Variants in PARP10 observed in about 807,000 individuals in gnomAD.
The protein encoded by PARP10 is protein mono-ADP-ribosyltransferase PARP10.
Under a neutral mutation model 82.4 loss-of-function variants are expected in PARP10, and 56 were observed. The observed-to-expected ratio is 0.68, with a 90% confidence interval of 0.55 to 0.85. PARP10 has a LOEUF of 0.85. Ranked by LOEUF, PARP10 falls within the 40% of genes least tolerant of loss-of-function variation. The pLI is 0.00. For missense variants in PARP10, 1,227 were observed against 1,379.4 expected, an observed-to-expected ratio of 0.89 and a Z score of 1.75; for synonymous variants, 576 against 601.1, an observed-to-expected ratio of 0.96 and a Z score of 0.61.
intron 1 of PARP10, among the ~76,000 whole-genome samples, chr8:143,998,394 C>T (rs1834177752): frequency 6.6e-6 from 1 of 152,192 alleles, no homozygotes; most frequent in Non-Finnish European, 1.5e-5. Context: ...TGAAGGTAAT[C>T]AGACAAGGCA....
chr8:144,012,508 C>T (rs1587480342), intron 1 of PARP10: 13 of 1,551,656 alleles, frequency 8.4e-6, no homozygotes, highest in Non-Finnish European at 1.1e-5. Flanking sequence ...TTGCCACTGC[C>T]CCAGGGCATG....
At chr8:143,990,323 G>T (rs1355024352), upstream of PARP10, 2 of 150,378 alleles carry the variant, frequency 1.3e-5, no homozygotes, top group Non-Finnish European at 3.0e-5. The surrounding 1 kb of genome is among the most constrained non-coding windows in gnomAD (Gnocchi z 5.6). Context: ...TCAGTAAGTT[G>T]GTCCGGCCGG....
At chr8:144,009,951 G>C (rs781792156) in intron 1 of PARP10, among the ~76,000 whole-genome samples, 10 of 152,100 alleles carry the variant, frequency 6.6e-5, no homozygotes, top group Admixed American at 2.6e-4. Context: ...CCTCCTTACT[G>C]TGTGCCACTC....
At chr8:143,992,937 T>G, upstream of PARP10, 1 of 1,045,476 alleles carries the variant, frequency 9.6e-7, no homozygotes, top group Non-Finnish European at 1.4e-6. Context: ...CTCTCTCTTG[T>G]CCCCAGGCAC....
intron 9 of PARP10, among the ~76,000 whole-genome samples, chr8:143,978,534 A>G (rs1833772194): frequency 6.6e-6 from 1 of 152,222 alleles, no homozygotes; most frequent in Admixed American, 6.5e-5. Context: ...GAGAGTTGCA[A>G]AAGAACACCA....
At chr8:144,012,050 T>G (rs1487880547) in intron 1 of PARP10, among the ~76,000 whole-genome samples, 1 of 152,220 alleles carries the variant, frequency 6.6e-6, no homozygotes, top group Non-Finnish European at 1.5e-5. Flanking sequence ...CCAAGCCCTG[T>G]GCTGGACACT....
Position 143,984,734 on chromosome 8 carries a change from G to C in PARP10, c.1268C>G (p.Ser423Cys). Residue 423 changes from serine to cysteine, a missense_variant, in exon 5 of 11, where the codon TCT becomes TGT. By Grantham distance (112) the Ser-to-Cys change is moderately radical. Coordinates refer to ENST00000313028, the MANE Select transcript of PARP10 (RefSeq NM_032789.5). ...LVGPMEITMG[S>C]LEKAGPVSPG... ...GCTCACAGGCCCTGCCTTCTCCAGAGACCCCATGGTGATCTCCATGGGACC... is the reference window on the plus strand; with the variant it reads ...GCTCACAGGCCCTGCCTTCTCCAGACACCCCATGGTGATCTCCATGGGACC... The C allele has an allele frequency of 6.2e-7, 1 of 1,613,568 alleles. No homozygotes were observed. The highest frequency in any genetic ancestry group is 1.3e-5 in the African/African-American group (1 of 74,850).
chr8:144,010,748 G>A (rs1229531962), intron 1 of PARP10, among the ~76,000 whole-genome samples: 1 of 151,798 alleles, frequency 6.6e-6, no homozygotes, highest in African/African-American at 2.4e-5. Context: ...AGCCGAGTGT[G>A]GTGGCACACA....
At chr8:143,994,332 C>T (rs977521584), upstream of PARP10, among the ~76,000 whole-genome samples, 3 of 152,202 alleles carry the variant, frequency 2.0e-5, no homozygotes, top group Non-Finnish European at 2.9e-5. Flanking sequence ...GGGGCTGCCC[C>T]GCTTCCCTCT....
upstream of PARP10, among the ~76,000 whole-genome samples, chr8:143,996,107 G>A (rs1834163216): frequency 6.6e-6 from 1 of 152,172 alleles, no homozygotes; most frequent in South Asian, 2.1e-4. Context: ...CTCTTAACAC[G>A]ACGCCCCAGG....
intron 9 of PARP10, 78 bp downstream of exon 9, chr8:143,982,854 G>C (rs201767026): frequency 6.4e-7 from 1 of 1,570,474 alleles, no homozygotes; most frequent in Non-Finnish European, 8.6e-7. Flanking sequence ...GAGAGGGACA[G>C]GCCACAGACT....
In PARP10 at chr8:143,977,730, G is replaced by C; in HGVS notation, c.2832C>G (p.Phe944Leu). 6.2e-7 allele frequency: 1 copy of C among 1,601,116 alleles called. No homozygotes were observed. Among genetic ancestry groups the C allele is most frequent in the Non-Finnish European group, 8.5e-7 (1 of 1,174,708 alleles). The change falls in exon 11 of 11, where the codon TTC becomes TTG. Residue 944 changes from phenylalanine to leucine, a missense_variant. Physicochemically the swap from Phe to Leu is conservative, Grantham distance 22. Coordinates refer to ENST00000313028, the MANE Select transcript of PARP10 (RefSeq NM_032789.5). ...PPNADGHKAV[F>L]VARVLTGDYG... ...AGTCGCCAGTCAGCACCCGTGCCAC[G>C]AACACCGCCTTATGGCCATCGGCGT...
chr8:143,983,817 G>T lies in PARP10; in HGVS notation c.1778-6C>A, dbSNP rs782284725. 1.3e-6 allele frequency: 2 copies of T among 1,565,472 alleles called. No homozygotes were observed. Among genetic ancestry groups the T allele is most frequent in the East Asian group, 2.3e-5 (1 of 44,418 alleles). Reference sequence around the variant, plus strand: ...CAGCAGTTCTCGGACCTCCTCTGGGGGCAGGGAGAGGCCATTGGGTCAGGG... The same window carrying T: ...CAGCAGTTCTCGGACCTCCTCTGGGTGCAGGGAGAGGCCATTGGGTCAGGG... On this transcript the variant is annotated splice_region_variant and splice_polypyrimidine_tract_variant and intron_variant, in intron 7 of 10. Coordinates refer to ENST00000313028, the MANE Select transcript of PARP10 (RefSeq NM_032789.5).
chr8:143,986,391 G>A lies in PARP10; in HGVS notation c.-32C>T, dbSNP rs375259054. 2.3e-4 allele frequency: 369 copies of A among 1,614,040 alleles called. 1 individual carries two copies. Among genetic ancestry groups the A allele is most frequent in the Middle Eastern group, 6.6e-4 (4 of 6,082 alleles). ...TGGCCGCTAGGCAGCCTCAGGCCAT[G>A]AGCTCAGCCAGGACTCCTGTGCCTG... On this transcript the variant is annotated 5_prime_UTR_variant, in exon 1 of 11. Coordinates refer to ENST00000313028, the MANE Select transcript of PARP10 (RefSeq NM_032789.5).
intron 1 of PARP10, among the ~76,000 whole-genome samples, chr8:144,001,510 C>T (rs1033018027): frequency 2.0e-5 from 3 of 152,258 alleles, no homozygotes; most frequent in Admixed American, 6.5e-5. Flanking sequence ...AGTTCAAGAC[C>T]GGCCTGGCCA....
intron 1 of PARP10, among the ~76,000 whole-genome samples, chr8:144,000,566 C>T (rs1470197949): frequency 6.6e-6 from 1 of 152,102 alleles, no homozygotes; most frequent in Admixed American, 6.6e-5. Context: ...GGAGGCGGAG[C>T]TTGCAGTGAG....
intron 1 of PARP10, among the ~76,000 whole-genome samples, chr8:144,000,206 A>T (rs1418982550): frequency 2.0e-5 from 3 of 152,168 alleles, no homozygotes; most frequent in Non-Finnish European, 4.4e-5. Flanking sequence ...ATTTGGAAAT[A>T]AGGTTGTTGA....
chr8:143,983,169 G>A lies in PARP10; in HGVS notation c.2420C>T (p.Thr807Ile), dbSNP rs782482752. The A allele has an allele frequency of 6.2e-6, 10 of 1,613,104 alleles. No individual in the cohort carries two copies. The Admixed American group carries it at 8.3e-5, about 13-fold the overall frequency. Residue 807 changes from threonine to isoleucine, a missense_variant and splice_region_variant, in exon 8 of 11, where the codon ACC becomes ATC. Physicochemically the swap from Thr to Ile is moderately conservative, Grantham distance 89 (BLOSUM62 -1). Transcript: ENST00000313028. ...LAFPLAASGP[T>I]LAGQTLKGPW... is the part of the protein sequence containing the mutation. The stretch of plus-strand genomic sequence containing the variant: ...CTCAGTCCAGGAGGTAGACTCACAG[G>A]TAGGGCCTGAAGCTGCCAAGGGAAA...
intron 9 of PARP10, among the ~76,000 whole-genome samples, chr8:143,980,278 C>T (rs757357826): frequency 2.7e-4 from 38 of 141,064 alleles, no homozygotes; most frequent in Non-Finnish European, 4.8e-4. Flanking sequence ...TGAGATTGCA[C>T]CACTGCACTC....
Sources: allele counts gnomAD v4.1 joint callset (sites outside exome capture counted in the v4.1 genomes callset), GRCh38; gene constraint gnomAD v4.1.1; non-coding constraint Gnocchi (gnomAD v3.1); transcripts MANE v1.5; gene names NCBI Gene and HGNC (gene_info 2026-07-23, HGNC 2026-07-21).